The following FAF1 variants were observed in gnomAD, a reference collection of about 807,000 sequenced individuals.
The protein encoded by FAF1 is FAS-associated factor 1.
FAF1 carries 25 observed loss-of-function variants against 92.5 expected under a neutral mutation model. The ratio of observed to expected loss-of-function variants is 0.27; its 90% CI spans 0.20 to 0.38. The LOEUF (loss-of-function observed/expected upper bound fraction) is 0.38, where lower values mean the gene tolerates loss of function less well. FAF1 is among the 10% of genes least tolerant of loss of function. The pLI is 1.00. For synonymous variants in FAF1, 234 were observed against 273.2 expected (o/e 0.86, Z 1.42); for missense variants, 636 against 793.3 (o/e 0.80, Z 2.38).
chr1:50,821,596 A>C (rs960363544), intron 2 of FAF1, among the ~76,000 whole-genome samples: 1 of 152,176 alleles, frequency 6.6e-6, no homozygotes, highest in Non-Finnish European at 1.5e-5. Flanking sequence ...TCCAGCACTT[A>C]CTAGGAGCAT....
intron 6 of FAF1, among the ~76,000 whole-genome samples, chr1:50,717,667 G>T (rs1416659430): frequency 6.6e-6 from 1 of 152,226 alleles, no homozygotes; most frequent in East Asian, 1.9e-4. Flanking sequence ...GGGTATCACA[G>T]AAAGCAATAT....
In FAF1 at chr1:50,709,912, A is replaced by G. The variant is rs143156511; in HGVS notation, c.552-4021T>C. 2.6e-4 allele frequency among the ~76,000 whole-genome samples: 40 copies of G among 152,344 alleles called. No homozygotes were observed. In the East Asian group the frequency reaches 3.5e-3, roughly 13 times the overall value. ...ATGAAGAAAAATGGACAATAATTTG[A>G]TAAGTAGATATGGAGGATGATTTCA... is the stretch of plus-strand genomic sequence containing the variant. On this transcript the variant is annotated intron_variant, in intron 6 of 18. Coordinates refer to ENST00000396153, the MANE Select transcript of FAF1 (RefSeq NM_007051.3).
chr1:50,463,325 G>A (rs1646456067), intron 18 of FAF1, among the ~76,000 whole-genome samples: 1 of 152,078 alleles, frequency 6.6e-6, no homozygotes, highest in Non-Finnish European at 1.5e-5. Flanking sequence ...CTTTGCCCAT[G>A]TACCTTTTTT....
chr1:50,658,940 G>A (rs1433656460), intron 7 of FAF1, among the ~76,000 whole-genome samples: 3 of 152,146 alleles, frequency 2.0e-5, no homozygotes, highest in African/African-American at 7.2e-5. Flanking sequence ...TGAAGCACAA[G>A]TGATAAGATA....
At chr1:50,461,445 A>G (rs1646428591) in intron 18 of FAF1, 1 of 152,108 alleles carries the variant, frequency 6.6e-6, no homozygotes, top group Non-Finnish European at 1.5e-5. Flanking sequence ...TCATCTATCT[A>G]TCCATCTACC....
At chr1:50,462,467 C>T (rs2148989708) in intron 18 of FAF1, among the ~76,000 whole-genome samples, 1 of 152,226 alleles carries the variant, frequency 6.6e-6, no homozygotes, top group South Asian at 2.1e-4. Flanking sequence ...AATAAATCAT[C>T]CTTACAGTGT....
intron 15 of FAF1, among the ~76,000 whole-genome samples, chr1:50,513,398 GAGA>G (rs1647163099): frequency 1.3e-5 from 2 of 152,306 alleles, no homozygotes; most frequent in South Asian, 4.2e-4. Context: ...GCTAAGGCAG[GAGA>G]ATTGTTTGAG....
intron 9 of FAF1, among the ~76,000 whole-genome samples, chr1:50,594,167 G>A (rs1301844421): frequency 6.6e-6 from 1 of 151,746 alleles, no homozygotes; most frequent in East Asian, 1.9e-4. Context: ...ACAAAAAATT[G>A]AGCCGGGTGT....
At position 50,819,680 on chromosome 1, in the gene FAF1, TATATATATATAC is replaced by T. The variant is rs1256681516; in HGVS notation, c.115-18015_115-18004del. Reference sequence around the variant, plus strand: ...CACACACACACACACTCTCTCTCTGTATATATATATACATATATATATACATATATATATACG... The same window carrying T: ...CACACACACACACACTCTCTCTCTGTATATATATATACATATATATATACG... On this transcript the variant is annotated intron_variant, in intron 2 of 18. Transcript: ENST00000396153. 2.2e-3 allele frequency among the ~76,000 whole-genome samples: 255 copies of T among 116,710 alleles called. 17 individuals carry two copies. The highest frequency in any genetic ancestry group is 7.3e-3 in the African/African-American group (228 of 31,350). 76.6% of individuals were successfully genotyped at this position (116,710 alleles called of 152,430 possible). A position where few individuals can be genotyped will look rare whatever the true frequency, so the allele number is the denominator to read the frequency against.
At chr1:50,655,269 G>A (rs1383334208) in intron 8 of FAF1, among the ~76,000 whole-genome samples, 173 bp downstream of exon 8, 1 of 152,126 alleles carries the variant, frequency 6.6e-6, no homozygotes, top group African/African-American at 2.4e-5. Context: ...TGATCCACAC[G>A]CCTCAGCCTC....
rs1438397419 is a variant in FAF1 at position 50,736,930 on chromosome 1, A to C, written c.551+1933T>G. Among the ~76,000 whole-genome samples the C allele has an allele frequency of 3.5e-4, 53 of 152,332 alleles. 1 individual carries two copies. In the East Asian group the frequency reaches 0.01, roughly 29 times the overall value. On this transcript the variant is annotated intron_variant, in intron 6 of 18. Transcript: ENST00000396153. ...CAGCTTTCAATATATATGCTATTTT[A>C]AAAATCTCTAGTTTTATAGAAAGAT...
chr1:50,556,156 T>TGAACCCA (rs1649567778), intron 13 of FAF1, among the ~76,000 whole-genome samples: 1 of 145,714 alleles, frequency 6.9e-6, no homozygotes, highest in Admixed American at 7.2e-5. Flanking sequence ...GAGACTGGCG[T>TGAACCCA]GAACCCAGGA....
At chr1:50,642,804 T>C (rs1175945393) in intron 8 of FAF1, among the ~76,000 whole-genome samples, 1 of 152,178 alleles carries the variant, frequency 6.6e-6, no homozygotes, top group Non-Finnish European at 1.5e-5. Context: ...TTTGTATTTA[T>C]CCCATCTGTT....
At chr1:50,647,848 A>G (rs1191108712) in intron 8 of FAF1, among the ~76,000 whole-genome samples, 1 of 152,210 alleles carries the variant, frequency 6.6e-6, no homozygotes, top group Admixed American at 6.5e-5. Flanking sequence ...AAGGAAACAA[A>G]TAACAAAATA....
chr1:50,578,710 T>C (rs1650861386), intron 12 of FAF1, among the ~76,000 whole-genome samples: 2 of 152,170 alleles, frequency 1.3e-5, no homozygotes, highest in East Asian at 3.8e-4. Flanking sequence ...ATGAGATATG[T>C]ATAGGAACAT....
chr1:50,620,800 C>T (rs1414112227), intron 8 of FAF1, among the ~76,000 whole-genome samples: 1 of 152,280 alleles, frequency 6.6e-6, no homozygotes, highest in Non-Finnish European at 1.5e-5. Context: ...TATCCAGCCA[C>T]ATAGATCTTT....
chr1:50,855,229 T>G (rs1644381598), intron 2 of FAF1, among the ~76,000 whole-genome samples: 1 of 151,814 alleles, frequency 6.6e-6, no homozygotes, highest in Non-Finnish European at 1.5e-5. Context: ...TTCTCAAAGT[T>G]AGAGACTACA....
At chr1:50,506,041 A>G (rs1305782548) in intron 15 of FAF1, among the ~76,000 whole-genome samples, 1 of 152,232 alleles carries the variant, frequency 6.6e-6, no homozygotes, top group Non-Finnish European at 1.5e-5. Context: ...ATGTGCCAAT[A>G]GTAGAAAGTC....
intron 17 of FAF1, among the ~76,000 whole-genome samples, chr1:50,476,307 G>A (rs1646639052): frequency 6.6e-6 from 1 of 152,194 alleles, no homozygotes; most frequent in Non-Finnish European, 1.5e-5. Flanking sequence ...AAAATGGAAA[G>A]AACTTCAAAT....
Sources: allele counts gnomAD v4.1 joint callset (sites outside exome capture counted in the v4.1 genomes callset), GRCh38; gene constraint gnomAD v4.1.1; transcripts MANE v1.5; gene names NCBI Gene and HGNC (gene_info 2026-07-23, HGNC 2026-07-21).